Variants in GUCY1A2 observed in about 807,000 individuals in gnomAD.
The protein encoded by GUCY1A2 is guanylate cyclase soluble subunit alpha-2.
GUCY1A2 carries 27 observed loss-of-function variants against 63.5 expected under a neutral mutation model. That is an observed-to-expected ratio of 0.43 (90% confidence interval 0.31 to 0.59). GUCY1A2 has a LOEUF of 0.59. Among genes scored for constraint, GUCY1A2 ranks in the 20% least tolerant of loss-of-function variants. The pLI, the probability that GUCY1A2 is intolerant of heterozygous loss-of-function variation, is 0.11. For synonymous variants in GUCY1A2, 364 were observed against 343.5 expected, an observed-to-expected ratio of 1.06 and a Z score of -0.66; for missense variants, 768 against 913.3, an observed-to-expected ratio of 0.84 and a Z score of 2.05.
At chr11:106,913,986 C>CAAAAAAAAAAAAAAAAAAAAG (rs11325847) in intron 4 of GUCY1A2, among the ~76,000 whole-genome samples, 1 of 71,246 alleles carries the variant, frequency 1.4e-5, no homozygotes, top group Non-Finnish European at 3.2e-5. Flanking sequence ...AATGAAAAAG[C>CAAAAAAAAAAAAAAAAAAAAG]AAAAAAAAAA....
At chr11:106,765,896 G>A (rs1008343587) in intron 6 of GUCY1A2, among the ~76,000 whole-genome samples, 3 of 152,124 alleles carry the variant, frequency 2.0e-5, no homozygotes, top group Non-Finnish European at 4.4e-5. Flanking sequence ...TTAAAGGCAA[G>A]TGATAAAGCA....
intron 4 of GUCY1A2, among the ~76,000 whole-genome samples, chr11:106,900,043 G>A (rs181401953): frequency 1.6e-4 from 23 of 144,850 alleles, no homozygotes; most frequent in Admixed American, 1.5e-3. Flanking sequence ...CTAAGATCAG[G>A]CCACTGCACT....
chr11:106,718,903 A>G (rs367813420), intron 6 of GUCY1A2, among the ~76,000 whole-genome samples: 19 of 152,266 alleles, frequency 1.2e-4, no homozygotes, highest in African/African-American at 4.3e-4. Context: ...ACTTTTTTCT[A>G]TAATTTGATT....
chr11:106,937,043 A>G (rs911328012), intron 4 of GUCY1A2, among the ~76,000 whole-genome samples: 1 of 152,162 alleles, frequency 6.6e-6, no homozygotes, highest in African/African-American at 2.4e-5. Context: ...TAATTTAAAA[A>G]TGTTATTCAT....
chr11:106,748,649 G>T (rs1453290931), intron 6 of GUCY1A2, among the ~76,000 whole-genome samples: 1 of 152,154 alleles, frequency 6.6e-6, no homozygotes, highest in African/African-American at 2.4e-5. Flanking sequence ...TAAGAATTGA[G>T]TCTTTCTTGA....
chr11:106,992,372 C>T (rs1165435077), intron 1 of GUCY1A2, among the ~76,000 whole-genome samples: 9 of 148,748 alleles, frequency 6.1e-5, no homozygotes, highest in Admixed American at 6.8e-5. Context: ...CTCTGTCCCC[C>T]AGGCTGGAGT....
chr11:106,803,987 T>G (rs899900263), intron 5 of GUCY1A2, among the ~76,000 whole-genome samples: 2 of 152,218 alleles, frequency 1.3e-5, no homozygotes, highest in Non-Finnish European at 2.9e-5. Context: ...GAAAAGCTAT[T>G]GGAACAGAAT....
At chr11:106,864,792 T>C (rs980540956) in intron 4 of GUCY1A2, among the ~76,000 whole-genome samples, 11 of 152,108 alleles carry the variant, frequency 7.2e-5, no homozygotes, top group Non-Finnish European at 1.5e-4. Flanking sequence ...ATAAAGCTTT[T>C]TAATGTGCTG....
intron 4 of GUCY1A2, among the ~76,000 whole-genome samples, chr11:106,913,888 CT>C (rs1326461800): frequency 2.0e-5 from 3 of 148,254 alleles, no homozygotes; most frequent in Admixed American, 1.4e-4. Flanking sequence ...AGAAAAAGTA[CT>C]AAATGTTAAT....
At chr11:106,902,967 C>A (rs1191130485) in intron 4 of GUCY1A2, among the ~76,000 whole-genome samples, 1 of 152,086 alleles carries the variant, frequency 6.6e-6, no homozygotes, top group Non-Finnish European at 1.5e-5. Context: ...TACCAAGGGA[C>A]GACAGTACAT....
intron 4 of GUCY1A2, among the ~76,000 whole-genome samples, chr11:106,868,460 T>C (rs1004530244): frequency 4.0e-5 from 6 of 151,680 alleles, no homozygotes; most frequent in Admixed American, 2.6e-4. Flanking sequence ...TACACACCAA[T>C]AACAGACAAA....
At chr11:106,769,724 T>A (rs1220654093) in intron 6 of GUCY1A2, among the ~76,000 whole-genome samples, 1 of 152,150 alleles carries the variant, frequency 6.6e-6, no homozygotes, top group East Asian at 1.9e-4. Context: ...ATATGCATTA[T>A]CTAGGAGATT....
chr11:106,730,496 T>A (rs1863484967), intron 6 of GUCY1A2, among the ~76,000 whole-genome samples: 1 of 152,108 alleles, frequency 6.6e-6, no homozygotes, highest in African/African-American at 2.4e-5. Flanking sequence ...ATGAACAACA[T>A]TTTCTTTATC....
chr11:106,717,803 A>G (rs1477318648), intron 6 of GUCY1A2, among the ~76,000 whole-genome samples: 1 of 152,178 alleles, frequency 6.6e-6, no homozygotes, highest in Non-Finnish European at 1.5e-5. Flanking sequence ...GTTTTATTAA[A>G]TACTCCTTTA....
chr11:106,801,906 C>T (rs1858609060), intron 5 of GUCY1A2, among the ~76,000 whole-genome samples: 1 of 152,108 alleles, frequency 6.6e-6, no homozygotes, highest in Non-Finnish European at 1.5e-5. Context: ...CATCATAACA[C>T]CTATTCCACA....
chr11:106,745,384 A>G (rs1863770135), intron 6 of GUCY1A2, among the ~76,000 whole-genome samples: 1 of 152,218 alleles, frequency 6.6e-6, no homozygotes, highest in African/African-American at 2.4e-5. Context: ...TTCTTAAAAA[A>G]CAGTGAAATT....
chr11:106,935,536 T>C (rs1432015991), intron 4 of GUCY1A2, among the ~76,000 whole-genome samples: 4 of 152,192 alleles, frequency 2.6e-5, no homozygotes, highest in East Asian at 1.9e-4. Flanking sequence ...CACTGAAACA[T>C]AGAGATGAAA....
intron 6 of GUCY1A2, among the ~76,000 whole-genome samples, chr11:106,747,427 T>A (rs185055717): frequency 1.6e-3 from 240 of 152,336 alleles, no homozygotes; most frequent in African/African-American, 5.5e-3. Context: ...AAGACACCAA[T>A]TGACTTGACA....
intron 5 of GUCY1A2, among the ~76,000 whole-genome samples, chr11:106,794,552 C>G (rs1864720741): frequency 6.6e-6 from 1 of 151,826 alleles, no homozygotes; most frequent in African/African-American, 2.4e-5. Flanking sequence ...GATAATAGAT[C>G]AACTATGTAT....
Sources: gnomAD v4.1 joint callset for allele counts (sites outside exome capture counted in the v4.1 genomes callset) on GRCh38, gnomAD v4.1.1 for gene constraint, MANE v1.5 for transcripts, NCBI Gene and HGNC (gene_info 2026-07-23, HGNC 2026-07-21) for gene names.